ZNF827: variants seen among roughly 807,000 people sequenced by gnomAD.
ZNF827 encodes the protein zinc finger protein 827.
A neutral mutation model predicts 102.4 loss-of-function variants in ZNF827; 13 were observed. That is an observed-to-expected ratio of 0.13 (90% CI 0.08 to 0.20). The LOEUF (loss-of-function observed/expected upper bound fraction) is 0.20. Ranked by LOEUF, ZNF827 falls within the 10% of genes least tolerant of loss-of-function variation. ZNF827 has a pLI of 1.00. For missense variants in ZNF827, 1,103 were observed against 1,344.4 expected, an observed-to-expected ratio of 0.82 and a Z score of 2.81; for synonymous variants, 523 against 536.2, an observed-to-expected ratio of 0.98 and a Z score of 0.34.
At chr4:145,858,080 T>C (rs1747331761) in intron 5 of ZNF827, among the ~76,000 whole-genome samples, 1 of 152,098 alleles carries the variant, frequency 6.6e-6, no homozygotes. Flanking sequence ...TTGTGAATAA[T>C]AGGCCTTTAT....
chr4:145,815,137 G>C (rs531831680), intron 8 of ZNF827, among the ~76,000 whole-genome samples: 1 of 152,170 alleles, frequency 6.6e-6, no homozygotes, highest in Admixed American at 6.5e-5. Flanking sequence ...TGGAGGAGTG[G>C]TATGAAGAAA....
chr4:145,917,647 G>T (rs1752751898), intron 1 of ZNF827, among the ~76,000 whole-genome samples: 1 of 129,982 alleles, frequency 7.7e-6, no homozygotes. Flanking sequence ...ATTGAAGTTT[G>T]GAAACATGCT....
chr4:145,787,467 A>G (rs80186405), intron 8 of ZNF827, among the ~76,000 whole-genome samples: 2 of 150,634 alleles, frequency 1.3e-5, no homozygotes, highest in Non-Finnish European at 3.0e-5. Context: ...GTCTCAGGAA[A>G]AAAAAAAAAA....
chr4:145,904,298 G>A (rs996349009), intron 1 of ZNF827, among the ~76,000 whole-genome samples: 3 of 152,194 alleles, frequency 2.0e-5, no homozygotes, highest in Non-Finnish European at 2.9e-5. Context: ...CTAAGATCCT[G>A]CCTTCTTGGA....
intron 2 of ZNF827, among the ~76,000 whole-genome samples, chr4:145,896,807 T>C (rs1434161888): frequency 6.6e-6 from 1 of 152,194 alleles, no homozygotes; most frequent in Admixed American, 6.5e-5. Context: ...AAAATGCATA[T>C]GGAATGACTA....
At chr4:145,918,206 C>T (rs1752804607) in intron 1 of ZNF827, among the ~76,000 whole-genome samples, 1 of 151,430 alleles carries the variant, frequency 6.6e-6, no homozygotes, top group Non-Finnish European at 1.5e-5. Context: ...GAAAAATTTC[C>T]ACATTAATAT....
At chr4:145,934,401 A>C (rs1259403818) in intron 1 of ZNF827, among the ~76,000 whole-genome samples, 1 of 152,220 alleles carries the variant, frequency 6.6e-6, no homozygotes, top group African/African-American at 2.4e-5. Context: ...ATGGCTGTGT[A>C]GAATTTTAAA....
intron 7 of ZNF827, among the ~76,000 whole-genome samples, chr4:145,824,166 T>C (rs1390772578): frequency 6.6e-6 from 1 of 152,144 alleles, no homozygotes; most frequent in Admixed American, 6.5e-5. Flanking sequence ...TAAGGTCCCC[T>C]AGTGACTCAG....
At position 145,763,117 on chromosome 4, in the gene ZNF827, C is replaced by A; in HGVS notation, c.3236G>T (p.Gly1079Val). 1 of 1,536,098 alleles carries A rather than the reference C, an allele frequency of 6.5e-7. No individual in the cohort carries two copies. The highest frequency in any genetic ancestry group is 8.7e-7 in the Non-Finnish European group (1 of 1,146,886). ...AGAGGAGTCTGAAACTCACCACTGTCCTGAGCTACGGCAAAAGAAAAATAA... is the reference window on the plus strand; with the variant it reads ...AGAGGAGTCTGAAACTCACCACTGTACTGAGCTACGGCAAAAGAAAAATAA... ...HTVPTGGLNS[G>V]QW The change falls in exon 14 of 15, where the codon GGA (glycine) becomes GTA (valine). Residue 1079 changes from glycine (G) to valine (V), a missense_variant. Gly to Val is a moderately radical substitution (Grantham distance 109). Transcript: ENST00000508784. This position sits in a 1 kb window ranked among gnomAD's most constrained non-coding sequence, Gnocchi z 4.6.
chr4:145,905,901 T>C (rs574703473), intron 1 of ZNF827, among the ~76,000 whole-genome samples: 1 of 152,306 alleles, frequency 6.6e-6, no homozygotes, highest in South Asian at 2.1e-4. Flanking sequence ...AATATATTAT[T>C]CAAATTTAAA....
chr4:145,937,758 G>A (rs1579617128), intron 1 of ZNF827, among the ~76,000 whole-genome samples: 1 of 145,054 alleles, frequency 6.9e-6, no homozygotes, highest in Non-Finnish European at 1.5e-5. Flanking sequence ...CGCCGCCGCT[G>A]CCGCCGGCGG....
chr4:145,813,933 G>C (rs1041758118), intron 8 of ZNF827, among the ~76,000 whole-genome samples: 1 of 152,188 alleles, frequency 6.6e-6, no homozygotes, highest in African/African-American at 2.4e-5. Flanking sequence ...GATGTAGAAG[G>C]ACATGGTAAC....
In ZNF827 at chr4:145,761,668, T is replaced by C; in HGVS notation, c.*18-70A>G. 1 of 972,156 alleles carries C rather than the reference T, an allele frequency of 1.0e-6. No homozygotes were observed. The highest frequency in any genetic ancestry group is 1.4e-6 in the Non-Finnish European group (1 of 728,634). The allele number at this position is 972,156 out of a possible 1,614,324, so 60.2% of individuals were successfully genotyped here. Reference sequence around the variant, plus strand: ...GGAGGCAGCCGCGCTTCTCGCCGCCTCACCAGCCTTCCCTCACACCACCCC... The same window carrying C: ...GGAGGCAGCCGCGCTTCTCGCCGCCCCACCAGCCTTCCCTCACACCACCCC... On this transcript the variant is annotated intron_variant, in intron 14 of 14. Coordinates refer to ENST00000508784, the MANE Select transcript of ZNF827 (RefSeq NM_001306215.2). This position sits in a 1 kb window ranked among gnomAD's most constrained non-coding sequence, Gnocchi z 6.8.
At chr4:145,934,329 C>A (rs1161224817) in intron 1 of ZNF827, among the ~76,000 whole-genome samples, 2 of 152,074 alleles carry the variant, frequency 1.3e-5, no homozygotes, top group African/African-American at 2.4e-5. Flanking sequence ...ATGTATAAGG[C>A]CCATATAACA....
At chr4:145,884,947 T>A (rs530849064) in intron 4 of ZNF827, among the ~76,000 whole-genome samples, 14 of 152,214 alleles carry the variant, frequency 9.2e-5, no homozygotes, top group African/African-American at 3.4e-4. Context: ...CTCCAGGGCC[T>A]GTGGGGGAAG....
intron 6 of ZNF827, among the ~76,000 whole-genome samples, chr4:145,849,062 G>T (rs962644361): frequency 1.4e-4 from 22 of 152,186 alleles, no homozygotes; most frequent in African/African-American, 5.1e-4. Flanking sequence ...CAGTCAACAG[G>T]AATCATTTGC....
At chr4:145,932,578 C>G (rs1415379924) in intron 1 of ZNF827, among the ~76,000 whole-genome samples, 1 of 151,946 alleles carries the variant, frequency 6.6e-6, no homozygotes, top group East Asian at 1.9e-4. Context: ...GGGTTCGCGC[C>G]ATTCTCCTGC....
At chr4:145,863,276 G>A (rs959931715) in intron 5 of ZNF827, among the ~76,000 whole-genome samples, 2 of 152,208 alleles carry the variant, frequency 1.3e-5, no homozygotes, top group African/African-American at 4.8e-5. Context: ...TGGAGAAATT[G>A]AGACCCTCAT....
chr4:145,845,933 G>A, intron 7 of ZNF827, 23 bp downstream of exon 7: 1 of 1,614,040 alleles, frequency 6.2e-7, no homozygotes, highest in South Asian at 1.1e-5. Flanking sequence ...GTGTTCTGGA[G>A]GAACCCACAC....
Sources: allele counts gnomAD v4.1 joint callset (sites outside exome capture counted in the v4.1 genomes callset), GRCh38; gene constraint gnomAD v4.1.1; non-coding constraint Gnocchi (gnomAD v3.1); transcripts MANE v1.5; gene names NCBI Gene and HGNC (gene_info 2026-07-23, HGNC 2026-07-21).